The following SNX29 variants were observed in gnomAD, a reference collection of about 807,000 sequenced individuals.
SNX29 encodes sorting nexin-29.
Under a neutral mutation model 102.1 loss-of-function variants are expected in SNX29, and 78 were observed. That is an observed-to-expected ratio of 0.76 (90% CI 0.64 to 0.92). The LOEUF (loss-of-function observed/expected upper bound fraction) is 0.92. Ranked by LOEUF, SNX29 falls within the 40% of genes least tolerant of loss-of-function variation. The pLI, the probability that SNX29 is intolerant of heterozygous loss-of-function variation, is 0.00. For missense variants in SNX29, 1,280 were observed against 1,061.7 expected, an observed-to-expected ratio of 1.21 and a Z score of -2.86; for synonymous variants, 580 against 414.5, an observed-to-expected ratio of 1.40 and a Z score of -4.85.
intron 11 of SNX29, among the ~76,000 whole-genome samples, chr16:12,089,435 T>C (rs1265698553): frequency 6.6e-6 from 1 of 152,188 alleles, no homozygotes; most frequent in African/African-American, 2.4e-5. Flanking sequence ...ACTCTTGGTT[T>C]ATATACTGAT....
chr16:12,468,461 A>T (rs565385100), intron 18 of SNX29, among the ~76,000 whole-genome samples: 1 of 151,918 alleles, frequency 6.6e-6, no homozygotes, highest in East Asian at 1.9e-4. Flanking sequence ...ACCACGCGCA[A>T]CCTCCAACTC....
chr16:12,393,167 T>C (rs1597213425), intron 16 of SNX29, among the ~76,000 whole-genome samples: 1 of 152,138 alleles, frequency 6.6e-6, no homozygotes, highest in Admixed American at 6.5e-5. Context: ...GGAACAAAGG[T>C]TTGCTGCCTC....
At chr16:12,161,489 G>A (rs1349068461) in intron 13 of SNX29, among the ~76,000 whole-genome samples, 1 of 152,202 alleles carries the variant, frequency 6.6e-6, no homozygotes, top group Non-Finnish European at 1.5e-5. Context: ...AATTGATGCT[G>A]GGCTCCAGTA....
chr16:12,040,791 A>G (rs1400563707), intron 4 of SNX29, among the ~76,000 whole-genome samples: 1 of 152,248 alleles, frequency 6.6e-6, no homozygotes, highest in Admixed American at 6.5e-5. Context: ...AAAATTACAC[A>G]TATAAATATG....
At chr16:12,050,987 C>T (rs967376630) in intron 7 of SNX29, among the ~76,000 whole-genome samples, 15 of 152,090 alleles carry the variant, frequency 9.9e-5, no homozygotes, top group African/African-American at 3.6e-4. Context: ...TCCCAAAGTG[C>T]TGGGATTATA....
intron 1 of SNX29, among the ~76,000 whole-genome samples, chr16:11,990,920 C>T (rs1265428575): frequency 6.6e-6 from 1 of 152,202 alleles, no homozygotes; most frequent in East Asian, 1.9e-4. Context: ...GCTGTTAAAT[C>T]CAGCCCAAGA....
intron 19 of SNX29, among the ~76,000 whole-genome samples, chr16:12,491,289 A>C (rs2088532769): frequency 6.6e-6 from 1 of 152,190 alleles, no homozygotes; most frequent in Non-Finnish European, 1.5e-5. Context: ...TGTGCCCATG[A>C]ATGAGGTTCC....
intron 15 of SNX29, among the ~76,000 whole-genome samples, chr16:12,286,905 A>G (rs2079616159): frequency 6.6e-6 from 1 of 152,126 alleles, no homozygotes. Context: ...TAAAAACCCC[A>G]CATTACTGCA....
At position 12,572,475 on chromosome 16, in the gene SNX29, C is replaced by A; in HGVS notation, c.*3846C>A. 1 of 1,063,810 alleles carries A rather than the reference C, an allele frequency of 9.4e-7. No individual in the cohort carries two copies. The highest frequency in any genetic ancestry group is 1.1e-6 in the Non-Finnish European group (1 of 878,380). 65.9% of individuals were successfully genotyped at this position (1,063,810 alleles called of 1,614,324 possible). On this transcript the variant is annotated 3_prime_UTR_variant, in exon 21 of 21. Transcript: ENST00000566228. Reference sequence around the variant, plus strand: ...TGGTACATTTTGCCAACCCTGAGGACCAGTTCTTGGGGTTCCAGGCCTCGG... The same window carrying A: ...TGGTACATTTTGCCAACCCTGAGGAACAGTTCTTGGGGTTCCAGGCCTCGG...
chr16:12,135,413 C>A, intron 13 of SNX29: 1 of 853,104 alleles, frequency 1.2e-6, no homozygotes, highest in Non-Finnish European at 1.7e-6. Context: ...GGCAGCCCAC[C>A]CAGGCCTGGA....
chr16:12,431,904 G>A (rs148357991), intron 18 of SNX29, among the ~76,000 whole-genome samples: 2 of 152,310 alleles, frequency 1.3e-5, no homozygotes, highest in African/African-American at 4.8e-5. Context: ...GGCAACCAGT[G>A]AACCCACGAA....
chr16:12,544,034 C>T (rs984440343), intron 20 of SNX29, among the ~76,000 whole-genome samples: 89 of 152,214 alleles, frequency 5.8e-4, no homozygotes, highest in African/African-American at 2.1e-3. Flanking sequence ...CCCGTTGACT[C>T]ATCACATTGC....
intron 18 of SNX29, among the ~76,000 whole-genome samples, chr16:12,444,965 C>T (rs964810572): frequency 4.0e-5 from 6 of 151,464 alleles, no homozygotes; most frequent in Admixed American, 2.6e-4. Context: ...GGTTCTCCTG[C>T]GTCAGCCTCC....
intron 13 of SNX29, among the ~76,000 whole-genome samples, chr16:12,140,105 C>A (rs2054818043): frequency 6.6e-6 from 1 of 151,834 alleles, no homozygotes; most frequent in African/African-American, 2.4e-5. Flanking sequence ...AAACTTAAAC[C>A]TACAGGAGAA....
At chr16:12,444,252 G>A (rs74207592) in intron 18 of SNX29, among the ~76,000 whole-genome samples, 2 of 29,944 alleles carry the variant, frequency 6.7e-5, no homozygotes, top group Non-Finnish European at 1.2e-4. Flanking sequence ...ATATAGCACC[G>A]AGCACGTAGT....
At chr16:12,476,389 T>TATATATATATAC (rs2087617832) in intron 18 of SNX29, among the ~76,000 whole-genome samples, 2 of 13,958 alleles carry the variant, frequency 1.4e-4, no homozygotes, top group Non-Finnish European at 2.2e-4. Context: ...AAAAAATATA[T>TATATATATATAC]ATATATATAT....
chr16:12,324,653 C>G (rs1247154571), intron 15 of SNX29, among the ~76,000 whole-genome samples: 1 of 152,052 alleles, frequency 6.6e-6, no homozygotes, highest in African/African-American at 2.4e-5. Flanking sequence ...GAATTGATCC[C>G]CTTCCCCTCT....
At chr16:12,334,901 C>CTTTTTTT (rs36176543) in intron 15 of SNX29, among the ~76,000 whole-genome samples, 11,417 of 93,192 alleles carry the variant, frequency 0.12, 884 homozygotes, top group South Asian at 0.31. Flanking sequence ...GCCCCAGAGC[C>CTTTTTTT]TTTTTTTTTT....
At position 12,569,414 on chromosome 16, in the gene SNX29, G is replaced by C. The variant is rs559231756; in HGVS notation, c.*785G>C. 4.3e-6 allele frequency: 1 copy of C among 230,782 alleles called. No individual in the cohort carries two copies. The highest frequency in any genetic ancestry group is 6.1e-5 in the East Asian group (1 of 16,292). The allele number at this position is 230,782 out of a possible 1,614,324, so 14.3% of individuals were successfully genotyped here. A position where few individuals can be genotyped will look rare whatever the true frequency, so the allele number is the denominator to read the frequency against. ...GCCATCAGCAGCAACCTAGTAACCC[G>C]GCGTCATCCAGCGTGTCCAAAGTAG... On this transcript the variant is annotated 3_prime_UTR_variant, in exon 21 of 21. Transcript: ENST00000566228.
Sources: allele counts gnomAD v4.1 joint callset (sites outside exome capture counted in the v4.1 genomes callset), GRCh38; gene constraint gnomAD v4.1.1; transcripts MANE v1.5; gene names NCBI Gene and HGNC (gene_info 2026-07-23, HGNC 2026-07-21).